NR3C2: variants seen among roughly 807,000 people sequenced by gnomAD.
NR3C2 encodes nuclear receptor subfamily 3 group C member 2.
A neutral mutation model predicts 86.4 loss-of-function variants in NR3C2; 15 were observed. The ratio of observed to expected loss-of-function variants is 0.17; its 90% CI spans 0.12 to 0.27. The LOEUF (loss-of-function observed/expected upper bound fraction) is 0.27. Ranked by LOEUF, NR3C2 falls within the 10% of genes least tolerant of loss-of-function variation. The probability of loss-of-function intolerance (pLI) is 1.00; values close to 1 mark genes in which losing one functional copy is unlikely to be tolerated. For synonymous variants in NR3C2, 458 were observed against 450.5 expected, an observed-to-expected ratio of 1.02 and a Z score of -0.21; for missense variants, 960 against 1,195.6, an observed-to-expected ratio of 0.80 and a Z score of 2.91.
intron 2 of NR3C2, among the ~76,000 whole-genome samples, chr4:148,324,293 C>T (rs1743825643): frequency 6.6e-6 from 1 of 151,526 alleles, no homozygotes; most frequent in Admixed American, 6.6e-5. Context: ...TCGCAAATGG[C>T]AGGACTTTTT....
At chr4:148,208,126 C>T (rs1579013534) in intron 3 of NR3C2, 1 of 152,228 alleles carries the variant, frequency 6.6e-6, no homozygotes, top group Non-Finnish European at 1.5e-5. Flanking sequence ...CTACTCTTCC[C>T]CAAGGTCACA....
In NR3C2 at chr4:148,342,779, ATAACAG is replaced by A. The variant is rs370213516; in HGVS notation, c.1758-82668_1758-82663del. ...CTTATTTCTAAATCTCACCATTTTTATAACAGTAACAGTAAGATTTTCACAGAAATA... is the reference window on the plus strand; with the variant it reads ...CTTATTTCTAAATCTCACCATTTTTATAACAGTAAGATTTTCACAGAAATA... On this transcript the variant is annotated intron_variant, in intron 2 of 8. Transcript: ENST00000358102. 1.9e-3 allele frequency among the ~76,000 whole-genome samples: 294 copies of A among 152,250 alleles called. 2 individuals carry two copies. Among genetic ancestry groups the A allele is most frequent in the African/African-American group, 6.1e-3 (255 of 41,564 alleles).
At chr4:148,412,211 C>T (rs930292445) in intron 2 of NR3C2, among the ~76,000 whole-genome samples, 2 of 152,126 alleles carry the variant, frequency 1.3e-5, no homozygotes, top group Non-Finnish European at 2.9e-5. Flanking sequence ...ACCATTGCTG[C>T]ACACAACCTC....
At chr4:148,100,934 C>T (rs1238468852) in intron 8 of NR3C2, among the ~76,000 whole-genome samples, 4 of 152,160 alleles carry the variant, frequency 2.6e-5, no homozygotes, top group Non-Finnish European at 5.9e-5. Flanking sequence ...ACTTGGAGGA[C>T]ATTATGCTAA....
chr4:148,427,459 G>T (rs1409582664), intron 2 of NR3C2, among the ~76,000 whole-genome samples: 1 of 151,956 alleles, frequency 6.6e-6, no homozygotes. Context: ...GTGGCTTATA[G>T]TTGGGTCTAT....
intron 6 of NR3C2, among the ~76,000 whole-genome samples, chr4:148,125,735 G>T (rs559864789): frequency 7.2e-5 from 11 of 152,224 alleles, no homozygotes; most frequent in African/African-American, 2.6e-4. Flanking sequence ...ATAAACAAGT[G>T]CTATGTGTCA....
At chr4:148,419,095 C>CTTTTTT (rs33928091) in intron 2 of NR3C2, among the ~76,000 whole-genome samples, 3 of 147,666 alleles carry the variant, frequency 2.0e-5, no homozygotes. Flanking sequence ...GTTGTTTTTC[C>CTTTTTT]TTTTTTTTTT....
chr4:148,091,191 T>C (rs1186137061), intron 8 of NR3C2, among the ~76,000 whole-genome samples: 1 of 152,204 alleles, frequency 6.6e-6, no homozygotes, highest in Non-Finnish European at 1.5e-5. Flanking sequence ...ATGACTGCAG[T>C]TGCTGATGTC....
At chr4:148,301,003 C>G (rs1429029018) in intron 2 of NR3C2, among the ~76,000 whole-genome samples, 1 of 152,116 alleles carries the variant, frequency 6.6e-6, no homozygotes, top group African/African-American at 2.4e-5. Context: ...CATGGAGCCC[C>G]AGAAATTACA....
intron 2 of NR3C2, among the ~76,000 whole-genome samples, chr4:148,339,286 A>G (rs777176575): frequency 6.6e-6 from 1 of 152,196 alleles, no homozygotes; most frequent in Non-Finnish European, 1.5e-5. Context: ...AGTAAGGCTC[A>G]GTATGCTCTG....
intron 6 of NR3C2, among the ~76,000 whole-genome samples, chr4:148,143,333 T>C (rs571396537): frequency 6.6e-6 from 1 of 152,334 alleles, no homozygotes; most frequent in East Asian, 1.9e-4. Flanking sequence ...GTACCACTTT[T>C]GCTGTTGTCA....
At chr4:148,181,700 A>G (rs940628122) in intron 4 of NR3C2, among the ~76,000 whole-genome samples, 1 of 152,216 alleles carries the variant, frequency 6.6e-6, no homozygotes, top group Admixed American at 6.5e-5. Context: ...CTATAGCAAG[A>G]GTGGCAGGCT....
chr4:148,121,656 T>C (rs910141724), intron 6 of NR3C2, among the ~76,000 whole-genome samples: 11 of 152,236 alleles, frequency 7.2e-5, no homozygotes, highest in Admixed American at 2.0e-4. Context: ...CAGATGTGTC[T>C]ATTTCACTAC....
chr4:148,212,311 C>T (rs563476271), intron 3 of NR3C2, among the ~76,000 whole-genome samples: 1 of 152,338 alleles, frequency 6.6e-6, no homozygotes, highest in South Asian at 2.1e-4. Flanking sequence ...TATATCACAG[C>T]CTCTCCAAGG....
intron 3 of NR3C2, among the ~76,000 whole-genome samples, chr4:148,203,464 A>C (rs1363238093): frequency 1.3e-5 from 2 of 150,092 alleles, no homozygotes; most frequent in Non-Finnish European, 3.0e-5. Context: ...TTTTTTAAGC[A>C]GTTGACAACT....
chr4:148,295,256 T>G (rs759319490), intron 2 of NR3C2, among the ~76,000 whole-genome samples: 2 of 151,994 alleles, frequency 1.3e-5, no homozygotes, highest in African/African-American at 2.4e-5. Context: ...GATATACTAA[T>G]GTAATAAGAA....
chr4:148,401,499 T>C (rs1748161986), intron 2 of NR3C2, among the ~76,000 whole-genome samples: 2 of 144,770 alleles, frequency 1.4e-5, no homozygotes, highest in Admixed American at 1.5e-4. Flanking sequence ...AGTCTTGCTC[T>C]GTTGCCCAGG....
At chr4:148,412,293 T>C (rs1725525286) in intron 2 of NR3C2, among the ~76,000 whole-genome samples, 2 of 152,174 alleles carry the variant, frequency 1.3e-5, no homozygotes, top group African/African-American at 2.4e-5. Context: ...ATTCTTACTG[T>C]TAGGAAAGCA....
intron 3 of NR3C2, among the ~76,000 whole-genome samples, chr4:148,197,790 A>G (rs1057463666): frequency 4.9e-4 from 75 of 152,316 alleles, no homozygotes; most frequent in African/African-American, 1.7e-3. Context: ...TGTCGTTTAT[A>G]TTTTTAGTTG....
Sources: gnomAD v4.1 joint callset for allele counts (sites outside exome capture counted in the v4.1 genomes callset) on GRCh38, gnomAD v4.1.1 for gene constraint, MANE v1.5 for transcripts, NCBI Gene and HGNC (gene_info 2026-07-23, HGNC 2026-07-21) for gene names.